The following XKR9 variants were observed in gnomAD, a reference collection of about 807,000 sequenced individuals.
XKR9 encodes XK related 9.
Under a neutral mutation model 32.0 loss-of-function variants are expected in XKR9, and 32 were observed. The ratio of observed to expected loss-of-function variants is 1.00; its 90% CI spans 0.76 to 1.34. The LOEUF (loss-of-function observed/expected upper bound fraction) is 1.34, where lower values mean the gene tolerates loss of function less well. Among genes scored for constraint, XKR9 ranks in the 40% most tolerant of loss-of-function variants. The pLI is 0.00. For missense variants in XKR9, 546 were observed against 429.7 expected (o/e 1.27, Z -2.39); for synonymous variants, 168 against 143.4 (o/e 1.17, Z -1.22).
At chr8:70,815,681 A>G in the XKR9 span, among the ~76,000 whole-genome samples, 3 of 151,974 alleles carry the variant, frequency 2.0e-5, no homozygotes, top group African/African-American at 7.2e-5. Context: ...GCCCGCCACC[A>G]TGCCCAGCTA....
the XKR9 span, among the ~76,000 whole-genome samples, chr8:70,980,299 C>G: frequency 6.6e-6 from 1 of 152,154 alleles, no homozygotes; most frequent in South Asian, 2.1e-4. Context: ...TGAGATGAAC[C>G]AGATACCTCA....
the XKR9 span, among the ~76,000 whole-genome samples, chr8:70,941,749 T>C: frequency 6.6e-6 from 1 of 152,188 alleles, no homozygotes; most frequent in Non-Finnish European, 1.5e-5. Flanking sequence ...CATTGCTTAA[T>C]GTTTTCCATC....
chr8:70,865,578 G>A, the XKR9 span, among the ~76,000 whole-genome samples: 2 of 152,042 alleles, frequency 1.3e-5, no homozygotes, highest in Admixed American at 1.3e-4. Flanking sequence ...AAGTTGGTGA[G>A]TCCAGGTGAT....
intron 3 of XKR9, among the ~76,000 whole-genome samples, chr8:70,692,994 G>T (rs1805134988): frequency 6.6e-6 from 1 of 152,198 alleles, no homozygotes; most frequent in East Asian, 1.9e-4. Context: ...TGAGAAGATT[G>T]TGTGGTTTTT....
chr8:70,728,657 C>T (rs1806558650), intron 4 of XKR9, among the ~76,000 whole-genome samples: 1 of 152,144 alleles, frequency 6.6e-6, no homozygotes, highest in African/African-American at 2.4e-5. Context: ...AACAGGTGTA[C>T]TATAGTATTT....
chr8:70,777,136 G>A (rs2130244233), intron 2 of XKR9, among the ~76,000 whole-genome samples: 1 of 151,486 alleles, frequency 6.6e-6, no homozygotes, highest in East Asian at 1.9e-4. Context: ...GCCCCCTTGT[G>A]TGATGTTCCC....
the XKR9 span, among the ~76,000 whole-genome samples, chr8:70,845,613 A>G: frequency 5.3e-5 from 8 of 152,294 alleles, no homozygotes; most frequent in African/African-American, 1.9e-4. Flanking sequence ...CCAAAGAGAA[A>G]TCCTGGAAAA....
At chr8:70,833,025 A>G in the XKR9 span, among the ~76,000 whole-genome samples, 1 of 152,182 alleles carries the variant, frequency 6.6e-6, no homozygotes. Context: ...GAACTATATG[A>G]TTATCCTTTT....
the XKR9 span, among the ~76,000 whole-genome samples, chr8:70,999,067 T>C: frequency 6.6e-6 from 1 of 152,192 alleles, no homozygotes; most frequent in African/African-American, 2.4e-5. Flanking sequence ...TTTTTTCCTC[T>C]TGTTTCTCTG....
the XKR9 span, among the ~76,000 whole-genome samples, chr8:70,918,768 CTTT>C: frequency 1.6e-5 from 1 of 64,138 alleles, no homozygotes; most frequent in Non-Finnish European, 3.0e-5. Context: ...TCATGGGATC[CTTT>C]TTTTTTTTTT....
the XKR9 span, among the ~76,000 whole-genome samples, chr8:70,909,556 G>A: frequency 5.9e-5 from 9 of 151,716 alleles, no homozygotes; most frequent in East Asian, 1.2e-3. Context: ...AACCCAGTTC[G>A]CCCAGGAGGC....
the XKR9 span, among the ~76,000 whole-genome samples, chr8:70,895,128 G>A: frequency 6.6e-6 from 1 of 152,166 alleles, no homozygotes; most frequent in African/African-American, 2.4e-5. Flanking sequence ...GGTGTCCAAT[G>A]TGTTGATGGG....
the XKR9 span, among the ~76,000 whole-genome samples, chr8:71,032,190 A>G: frequency 6.8e-6 from 1 of 148,084 alleles, no homozygotes; most frequent in Non-Finnish European, 1.5e-5. Context: ...AGGCTGAGGC[A>G]GGAGAATTGC....
chr8:70,739,404 G>T (rs1228123073), downstream of XKR9, among the ~76,000 whole-genome samples: 4 of 152,118 alleles, frequency 2.6e-5, no homozygotes, highest in African/African-American at 9.7e-5. Context: ...ACACTGATGG[G>T]TCTTGACTCT....
chr8:70,901,799 C>T, the XKR9 span, among the ~76,000 whole-genome samples: 2 of 152,116 alleles, frequency 1.3e-5, no homozygotes, highest in Non-Finnish European at 2.9e-5. Flanking sequence ...TTAGGTCTAA[C>T]ATTTAAGTCT....
the XKR9 span, among the ~76,000 whole-genome samples, chr8:70,968,749 C>G: frequency 2.0e-5 from 3 of 152,102 alleles, no homozygotes; most frequent in African/African-American, 4.8e-5. Context: ...TTGCCTTGGT[C>G]CCTCCCGTAC....
At chr8:70,802,712 G>A in the XKR9 span, among the ~76,000 whole-genome samples, 1 of 152,168 alleles carries the variant, frequency 6.6e-6, no homozygotes, top group Non-Finnish European at 1.5e-5. Context: ...GTCTGAAAAG[G>A]ATCTTATTTC....
chr8:70,756,156 T>G (rs893107126), intron 2 of XKR9, among the ~76,000 whole-genome samples: 1 of 152,222 alleles, frequency 6.6e-6, no homozygotes, highest in Non-Finnish European at 1.5e-5. Context: ...CTTGGCACCC[T>G]TATTGAAAAT....
At chr8:70,753,298 A>G (rs1179786206) in intron 2 of XKR9, among the ~76,000 whole-genome samples, 2 of 151,984 alleles carry the variant, frequency 1.3e-5, no homozygotes. Flanking sequence ...AAAAGAGTCC[A>G]GGACCAGATG....
Sources: gnomAD v4.1 joint callset for allele counts (sites outside exome capture counted in the v4.1 genomes callset) on GRCh38, gnomAD v4.1.1 for gene constraint, MANE v1.5 for transcripts, NCBI Gene and HGNC (gene_info 2026-07-23, HGNC 2026-07-21) for gene names.